The following KARS1 variants were observed in gnomAD, a reference collection of about 807,000 sequenced individuals.
KARS1 encodes lysine--tRNA ligase.
KARS1 carries 50 observed loss-of-function variants against 63.9 expected under a neutral mutation model. The ratio of observed to expected loss-of-function variants is 0.78; its 90% CI spans 0.62 to 0.99. KARS1 has a LOEUF of 0.99. Among genes scored for constraint, KARS1 ranks in the 50% least tolerant of loss-of-function variants. The probability of loss-of-function intolerance (pLI) is 0.00; values close to 1 mark genes in which losing one functional copy is unlikely to be tolerated. For synonymous variants in KARS1, 320 were observed against 264.6 expected, an observed-to-expected ratio of 1.21 and a Z score of -2.03; for missense variants, 816 against 754.5, an observed-to-expected ratio of 1.08 and a Z score of -0.95.
chr16:75,629,606 T>C (rs1002913129), intron 11 of KARS1, 65 bp from the exon 12 acceptor site: 24 of 1,580,328 alleles, frequency 1.5e-5, no homozygotes, highest in Non-Finnish European at 1.8e-5. Context: ...ATTTTGTTTT[T>C]TCTTTTTTTT....
In KARS1 at chr16:75,631,792, T is replaced by C. The variant is rs372994342; in HGVS notation, c.979A>G (p.Ile327Val). ...AACTCAGGATTGTGCGTCAAATCAATCCCCTCATTCCGGAACTGGCGTCCA... is the reference window on the plus strand; with the variant it reads ...AACTCAGGATTGTGCGTCAAATCAACCCCCTCATTCCGGAACTGGCGTCCA... ...EIGRQFRNEG[I>V]DLTHNPEFTT... Residue 327 changes from isoleucine to valine, a missense_variant, in exon 8 of 14, where the codon ATT (isoleucine) becomes GTT (valine). Transcript: ENST00000302445. 100 of 1,613,892 alleles carry C rather than the reference T, an allele frequency of 6.2e-5. No individual in the cohort carries two copies. In the Middle Eastern group the frequency reaches 8.2e-4, roughly 13 times the overall value.
intron 7 of KARS1, chr16:75,633,864 T>C: frequency 2.7e-6 from 1 of 364,936 alleles, no homozygotes; most frequent in African/African-American, 2.1e-5. Context: ...CTCTTTCTTC[T>C]GTGAAAGACT....
intron 3 of KARS1, 22 bp from the exon 4 acceptor site, chr16:75,636,569 T>C (rs753607453): frequency 1.8e-4 from 253 of 1,422,620 alleles, no homozygotes; most frequent in Non-Finnish European, 2.5e-4. Flanking sequence ...AGAGCAAAAA[T>C]ACTGACTGAC....
At chr16:75,630,262 G>A (rs1214145568) in intron 11 of KARS1, among the ~76,000 whole-genome samples, 161 bp downstream of exon 11, 1 of 152,150 alleles carries the variant, frequency 6.6e-6, no homozygotes, top group Non-Finnish European at 1.5e-5. Context: ...GAACCAAAGT[G>A]CCCTGGCAGA....
rs572003361 is a variant in KARS1, at chr16:75,633,237, G to A, written c.915+936C>T. Among the ~76,000 whole-genome samples, 29 of 152,310 alleles carry A rather than the reference G, an allele frequency of 1.9e-4. No homozygotes were observed. In the East Asian group the frequency reaches 5.4e-3, roughly 28 times the overall value. On this transcript the variant is annotated intron_variant, in intron 7 of 13. Transcript: ENST00000302445. ...ATGACAAATACACCTCTCTTGGTGT[G>A]CAGGTGATCGGACACTCAGCAGGAC...
Position 75,641,597 on chromosome 16 carries a change from A to G in KARS1, c.189T>C (p.Gly63=), listed in dbSNP as rs778147955. 5 of 1,614,000 alleles carry G rather than the reference A, an allele frequency of 3.1e-6. No individual in the cohort carries two copies. Among genetic ancestry groups the G allele is most frequent in the Non-Finnish European group, 4.2e-6 (5 of 1,180,026 alleles). ...AAATNHTTDN[G]VGPEEESVDP... ...CCACGCTCTCTTCCTCAGGACCCAC[A>G]CCATTATCAGTGGTGTGGTTGGTGG... Residue 63 remains glycine (G), a synonymous_variant, in exon 2 of 14, where the codon GGT becomes GGC. Coordinates refer to ENST00000302445, the MANE Select transcript of KARS1 (RefSeq NM_005548.3).
intron 7 of KARS1, among the ~76,000 whole-genome samples, chr16:75,633,027 G>C (rs1473877384): frequency 6.6e-6 from 1 of 152,174 alleles, no homozygotes; most frequent in Non-Finnish European, 1.5e-5. Flanking sequence ...CTCTTGGGGG[G>C]AGGTTGACCA....
chr16:75,644,204 C>A, intron 1 of KARS1: 1 of 1,338,142 alleles, frequency 7.5e-7, no homozygotes, highest in South Asian at 1.3e-5. Context: ...AAGACTTAGC[C>A]AGAGGCTTAA....
chr16:75,640,754 G>A (rs1374106588), intron 2 of KARS1, among the ~76,000 whole-genome samples: 4 of 152,140 alleles, frequency 2.6e-5, no homozygotes. Context: ...CAAGGCATGG[G>A]GCCTGGAGAA....
intron 12 of KARS1, 51 bp from the exon 13 acceptor site, chr16:75,628,763 T>A: frequency 6.3e-7 from 1 of 1,598,264 alleles, no homozygotes; most frequent in Non-Finnish European, 8.6e-7. Flanking sequence ...GATATCTCAG[T>A]GTGTGAGTGA....
At position 75,634,208 on chromosome 16, in the gene KARS1, A is replaced by T; in HGVS notation, c.880T>A (p.Leu294Ile). 6.2e-7 allele frequency: 1 copy of T among 1,614,096 alleles called. No individual in the cohort carries two copies. The highest frequency in any genetic ancestry group is 8.5e-7 in the Non-Finnish European group (1 of 1,179,932). The change falls in exon 7 of 14, where the codon TTA (leucine) becomes ATA (isoleucine). Residue 294 changes from leucine (L) to isoleucine (I), a missense_variant. Coordinates refer to ENST00000302445, the MANE Select transcript of KARS1 (RefSeq NM_005548.3). ...AGTTCTGGAGCAATTCTCATATATA[A>T]GTTCATGTCCAGCTCGTTGTGATAA... The part of the protein sequence containing the change: ...ITYHNELDMN[L>I]YMRIAPELYH...
rs1258238206 is a variant in KARS1 at position 75,636,025 on chromosome 16, C to T, written c.556G>A (p.Gly186Arg). ...CCCTTCTTGGTTTTACCAGGATTCC[C>T]CTGAACTCCAATTATGTCTCCCCGA... ...LRRGDIIGVQ[G>R]NPGKTKKGEL... The change falls in exon 5 of 14, where the codon GGG becomes AGG. Residue 186 changes from glycine to arginine, a missense_variant. Coordinates refer to ENST00000302445, the MANE Select transcript of KARS1 (RefSeq NM_005548.3). The T allele has an allele frequency of 6.2e-7, 1 of 1,611,898 alleles. No homozygotes were observed. Among genetic ancestry groups the T allele is most frequent in the Admixed American group, 1.7e-5 (1 of 60,006 alleles).
chr16:75,630,366 T>G lies in KARS1; in HGVS notation c.1424+57A>C, dbSNP rs1452920824. The G allele has an allele frequency of 3.7e-6, 4 of 1,091,664 alleles. No homozygotes were observed. In the African/African-American group the frequency reaches 6.2e-5, roughly 17 times the overall value. The allele number at this position is 1,091,664 out of a possible 1,614,324, so 67.6% of individuals were successfully genotyped here. A position where few individuals can be genotyped will look rare whatever the true frequency, so the allele number is the denominator to read the frequency against. On this transcript the variant is annotated intron_variant, in intron 11 of 13. Coordinates refer to ENST00000302445, the MANE Select transcript of KARS1 (RefSeq NM_005548.3). ...AAACCACAAAATCTTGACAATAAAT[T>G]GTTAACACCACTAAGTTTTGGGGCT...
In KARS1 at chr16:75,631,585, C is replaced by T. The variant is rs1159671297; in HGVS notation, c.1083G>A (p.Met361Ile). ...TGTAACTGCCTGTAATATGCTTCAC[C>T]ATCCCTGGGAGAGAAACCTGTTATT... ...MEITEKMVSG[M>I]VKHITGSYKV... is the part of the protein sequence containing the mutation. The change falls in exon 9 of 14, where the codon ATG becomes ATA. Residue 361 changes from methionine to isoleucine, a missense_variant. Coordinates refer to ENST00000302445, the MANE Select transcript of KARS1 (RefSeq NM_005548.3). 5 of 1,614,162 alleles carry T rather than the reference C, an allele frequency of 3.1e-6. No individual in the cohort carries two copies. Among genetic ancestry groups the T allele is most frequent in the Non-Finnish European group, 2.5e-6 (3 of 1,180,016 alleles).
chr16:75,629,401 G>A lies in KARS1; in HGVS notation c.1551+14C>T, dbSNP rs2082085101. On this transcript the variant is annotated intron_variant, in intron 12 of 13. Coordinates refer to ENST00000302445, the MANE Select transcript of KARS1 (RefSeq NM_005548.3). Reference sequence around the variant, plus strand: ...TGAGTTGGCACAGCTTCTGCTCACAGTCCCCTTTCTCACCTTGGCCTGTTC... The same window carrying A: ...TGAGTTGGCACAGCTTCTGCTCACAATCCCCTTTCTCACCTTGGCCTGTTC... The A allele has an allele frequency of 6.2e-7, 1 of 1,613,720 alleles. No individual in the cohort carries two copies. The highest frequency in any genetic ancestry group is 8.5e-7 in the Non-Finnish European group (1 of 1,179,712).
intron 7 of KARS1, among the ~76,000 whole-genome samples, chr16:75,633,213 T>G (rs555344413): frequency 2.0e-5 from 3 of 152,298 alleles, no homozygotes; most frequent in South Asian, 2.1e-4. Context: ...TCGGCCGCAA[T>G]GACAAATACA....
intron 3 of KARS1, among the ~76,000 whole-genome samples, chr16:75,637,987 G>C (rs2082181920): frequency 6.6e-6 from 1 of 151,262 alleles, no homozygotes; most frequent in African/African-American, 2.4e-5. Flanking sequence ...CAGTATTTCT[G>C]AACATGCCAC....
At chr16:75,628,816 G>T in intron 12 of KARS1, 104 bp from the exon 13 acceptor site, 3 of 1,206,322 alleles carry the variant, frequency 2.5e-6, no homozygotes, top group Non-Finnish European at 3.7e-6. Flanking sequence ...TCATTCCAGA[G>T]ATGCTCCTGA....
intron 3 of KARS1, chr16:75,639,859 A>G (rs1236610416): frequency 3.3e-6 from 1 of 303,944 alleles, no homozygotes; most frequent in African/African-American, 2.1e-5. Context: ...AATGTTCTAG[A>G]AATACTGTCT....
Sources: gnomAD v4.1 joint callset for allele counts (sites outside exome capture counted in the v4.1 genomes callset) on GRCh38, gnomAD v4.1.1 for gene constraint, MANE v1.5 for transcripts, NCBI Gene and HGNC (gene_info 2026-07-23, HGNC 2026-07-21) for gene names.